Variants in GRIN2A observed in about 807,000 individuals in gnomAD.
The protein encoded by GRIN2A is glutamate ionotropic receptor NMDA type subunit 2A, also known as glutamate receptor ionotropic, NMDA 2A.
In GRIN2A, 22 loss-of-function variants were observed where a neutral mutation model predicts 113.4. The ratio of observed to expected loss-of-function variants is 0.19; its 90% CI spans 0.14 to 0.28. The LOEUF is 0.28. Among genes scored for constraint, GRIN2A ranks in the 10% least tolerant of loss-of-function variants. The pLI is 1.00. For missense variants in GRIN2A, 1,502 were observed against 1,887.0 expected, an observed-to-expected ratio of 0.80 and a Z score of 3.78; for synonymous variants, 827 against 738.4, an observed-to-expected ratio of 1.12 and a Z score of -1.94.
At chr16:10,056,895 G>A (rs1399935140) in intron 2 of GRIN2A, among the ~76,000 whole-genome samples, 1 of 152,118 alleles carries the variant, frequency 6.6e-6, no homozygotes, top group East Asian at 1.9e-4. Context: ...GAGCCACGAA[G>A]TTTGCAGGAC....
chr16:10,120,500 C>G (rs2048812431), intron 2 of GRIN2A, among the ~76,000 whole-genome samples: 1 of 152,134 alleles, frequency 6.6e-6, no homozygotes, highest in Admixed American at 6.5e-5. Flanking sequence ...TTTTTCTTAG[C>G]TTCCTCATTC....
intron 2 of GRIN2A, among the ~76,000 whole-genome samples, chr16:10,039,698 A>G (rs2047107122): frequency 6.7e-6 from 1 of 148,956 alleles, no homozygotes; most frequent in African/African-American, 2.5e-5. Flanking sequence ...GGCCTTTCGA[A>G]GGACCAGGTG....
intron 2 of GRIN2A, among the ~76,000 whole-genome samples, chr16:10,028,238 T>G (rs990145113): frequency 1.3e-5 from 2 of 152,164 alleles, no homozygotes; most frequent in Non-Finnish European, 2.9e-5. Context: ...CACAGAGTGT[T>G]TTGTTAAATT....
At chr16:10,073,398 C>CTGA (rs1234504005) in intron 2 of GRIN2A, among the ~76,000 whole-genome samples, 2 of 151,938 alleles carry the variant, frequency 1.3e-5, no homozygotes, top group East Asian at 3.9e-4. Flanking sequence ...GCTGATATCA[C>CTGA]GCAGGGTTGG....
chr16:9,756,112 A>AGG lies in GRIN2A; in HGVS notation c.*7035_*7036dup, dbSNP rs749081952. 9 of 227,018 alleles carry AGG rather than the reference A, an allele frequency of 4.0e-5. No individual in the cohort carries two copies. Among genetic ancestry groups the AGG allele is most frequent in the Non-Finnish European group, 6.1e-5 (7 of 114,100 alleles). The allele number at this position is 227,018 out of a possible 1,614,324, so 14.1% of individuals were successfully genotyped here. A position where few individuals can be genotyped will look rare whatever the true frequency, so the allele number is the denominator to read the frequency against. ...ACAATATTTAGGAGGACTTTAATGG[A>AGG]GGGTCACATGGCTGTGTGTGTGTGT... On this transcript the variant is annotated 3_prime_UTR_variant, in exon 13 of 13. Transcript: ENST00000330684.
intron 2 of GRIN2A, among the ~76,000 whole-genome samples, chr16:9,945,319 G>T (rs1011508287): frequency 6.6e-6 from 1 of 152,076 alleles, no homozygotes; most frequent in African/African-American, 2.4e-5. Context: ...TCCAGGCAAA[G>T]ATTAGGGGCG....
At chr16:10,060,534 A>C (rs1023668215) in intron 2 of GRIN2A, among the ~76,000 whole-genome samples, 3 of 152,218 alleles carry the variant, frequency 2.0e-5, no homozygotes, top group African/African-American at 7.2e-5. Flanking sequence ...TGTTCTTCAA[A>C]GAGGATTATC....
At chr16:9,923,151 G>A (rs2044389528) in intron 3 of GRIN2A, among the ~76,000 whole-genome samples, 1 of 151,852 alleles carries the variant, frequency 6.6e-6, no homozygotes, top group Non-Finnish European at 1.5e-5. Flanking sequence ...AGCTATACTA[G>A]ATGCATAGTT....
At chr16:9,807,670 CCCAGAGATCTCCGCCCAATTTTT>C in intron 10 of GRIN2A, among the ~76,000 whole-genome samples, 1 of 152,106 alleles carries the variant, frequency 6.6e-6, no homozygotes, top group East Asian at 1.9e-4. Context: ...GACACTGAGG[CCCAGAGATCTCCGCCCAATTTTT>C]CCAGACCGGT....
chr16:10,015,988 T>C (rs780647740), intron 2 of GRIN2A, among the ~76,000 whole-genome samples: 2 of 151,986 alleles, frequency 1.3e-5, no homozygotes, highest in Admixed American at 6.6e-5. Context: ...TGATGGCAAG[T>C]GCCTGTAATC....
At chr16:10,158,365 C>T (rs2049745901) in intron 2 of GRIN2A, among the ~76,000 whole-genome samples, 1 of 152,110 alleles carries the variant, frequency 6.6e-6, no homozygotes, top group Admixed American at 6.6e-5. Context: ...GGATATCTAT[C>T]CTCAATAAGT....
At chr16:10,087,229 TC>T (rs1053034325) in intron 2 of GRIN2A, among the ~76,000 whole-genome samples, 6 of 152,330 alleles carry the variant, frequency 3.9e-5, no homozygotes, top group Admixed American at 1.3e-4. Context: ...CACTACTATA[TC>T]TACCGCATTG....
intron 2 of GRIN2A, among the ~76,000 whole-genome samples, chr16:10,102,539 T>C (rs932009460): frequency 4.6e-5 from 7 of 152,116 alleles, no homozygotes; most frequent in Non-Finnish European, 1.0e-4. Context: ...CTTTTTTTCT[T>C]TTTTTTCTTT....
intron 2 of GRIN2A, among the ~76,000 whole-genome samples, chr16:10,003,809 G>A (rs903319755): frequency 1.3e-5 from 2 of 152,204 alleles, no homozygotes; most frequent in African/African-American, 4.8e-5. Context: ...TGAGCTATGA[G>A]TAAGAGGAAT....
chr16:10,111,920 C>T lies in GRIN2A; in HGVS notation c.414+68078G>A, dbSNP rs570625388. 229 of 792,830 alleles carry T rather than the reference C, an allele frequency of 2.9e-4. 1 individual carries two copies. The highest frequency in any genetic ancestry group is 4.2e-4 in the South Asian group (30 of 71,870). The allele number at this position is 792,830 out of a possible 1,614,324, so 49.1% of individuals were successfully genotyped here. A position where few individuals can be genotyped will look rare whatever the true frequency, so the allele number is the denominator to read the frequency against. ...ACCACCCTCCTCAGTGAGGTGATGACGCCAAGGATCAAGCTGATGGTGGCT... is the reference window on the plus strand; with the variant it reads ...ACCACCCTCCTCAGTGAGGTGATGATGCCAAGGATCAAGCTGATGGTGGCT... On this transcript the variant is annotated intron_variant, in intron 2 of 12. Transcript: ENST00000330684.
At chr16:9,913,677 G>A (rs968217006) in intron 3 of GRIN2A, among the ~76,000 whole-genome samples, 2 of 152,088 alleles carry the variant, frequency 1.3e-5, no homozygotes, top group African/African-American at 4.8e-5. Flanking sequence ...CTTGTATCCT[G>A]GAAAAGAGCT....
rs531367906 is a variant in GRIN2A, at chr16:10,071,599, G to A, written c.414+108399C>T. Among the ~76,000 whole-genome samples, 16 of 152,320 alleles carry A rather than the reference G, an allele frequency of 1.1e-4. No homozygotes were observed. In the East Asian group the frequency reaches 2.7e-3, roughly 26 times the overall value. On this transcript the variant is annotated intron_variant, in intron 2 of 12. Transcript: ENST00000330684. ...GCCTATAGAAAGGGATTGGAGTGGA[G>A]TTTGGGAAGGCATTGTATAGAGGAC...
intron 4 of GRIN2A, among the ~76,000 whole-genome samples, chr16:9,867,426 A>G (rs931776427): frequency 1.3e-5 from 2 of 152,024 alleles, no homozygotes; most frequent in African/African-American, 4.8e-5. Flanking sequence ...GACAACCCAC[A>G]TCACCCACAA....
intron 2 of GRIN2A, among the ~76,000 whole-genome samples, chr16:10,131,591 T>C (rs1394361883): frequency 1.3e-5 from 2 of 151,696 alleles, no homozygotes; most frequent in African/African-American, 4.8e-5. Flanking sequence ...AAGACTAGAG[T>C]AGGAAAGTAC....
Sources: allele counts gnomAD v4.1 joint callset (sites outside exome capture counted in the v4.1 genomes callset), GRCh38; gene constraint gnomAD v4.1.1; transcripts MANE v1.5; gene names NCBI Gene and HGNC (gene_info 2026-07-23, HGNC 2026-07-21).